NAA60: variants seen among roughly 807,000 people sequenced by gnomAD.
The protein encoded by NAA60 is N-alpha-acetyltransferase 60, NatF catalytic subunit.
NAA60 carries 8 observed loss-of-function variants against 26.1 expected under a neutral mutation model. That is an observed-to-expected ratio of 0.31 (90% confidence interval 0.18 to 0.55). The LOEUF (loss-of-function observed/expected upper bound fraction) is 0.55. Among genes scored for constraint, NAA60 ranks in the 20% least tolerant of loss-of-function variants. The pLI is 0.93. For missense variants in NAA60, 290 were observed against 311.3 expected (o/e 0.93, Z 0.51); for synonymous variants, 131 against 122.5 (o/e 1.07, Z -0.46).
intron 1 of NAA60, among the ~76,000 whole-genome samples, chr16:3,444,394 A>G (rs931681382): frequency 6.6e-6 from 1 of 152,190 alleles, no homozygotes; most frequent in African/African-American, 2.4e-5. Context: ...GGGTAATTTC[A>G]AAGATTATAA....
At chr16:3,473,334 C>G (rs921090019) in intron 2 of NAA60, among the ~76,000 whole-genome samples, 2 of 152,118 alleles carry the variant, frequency 1.3e-5, no homozygotes, top group Non-Finnish European at 2.9e-5. Flanking sequence ...GGGGAGGCCT[C>G]ACAATCATGG....
chr16:3,461,883 T>G (rs2035419673), intron 2 of NAA60, among the ~76,000 whole-genome samples: 1 of 151,988 alleles, frequency 6.6e-6, no homozygotes, highest in African/African-American at 2.4e-5. Context: ...AGCTCACAAG[T>G]TCGAGAGCGG....
At chr16:3,455,219 T>A (rs1049695572) in intron 2 of NAA60, among the ~76,000 whole-genome samples, 3 of 150,724 alleles carry the variant, frequency 2.0e-5, no homozygotes, top group Non-Finnish European at 4.4e-5. Flanking sequence ...GCTCAGCAAA[T>A]TTTTTTTTGT....
At chr16:3,458,603 C>G (rs2035157975) in intron 2 of NAA60, among the ~76,000 whole-genome samples, 1 of 152,196 alleles carries the variant, frequency 6.6e-6, no homozygotes, top group Admixed American at 6.5e-5. Context: ...TCGCCCCGCT[C>G]TCGCCTGGCC....
intron 1 of NAA60, 54 bp downstream of exon 1, chr16:3,443,891 A>C (rs1375550768): frequency 8.7e-6 from 13 of 1,496,588 alleles, no homozygotes; most frequent in Non-Finnish European, 1.2e-5. Context: ...TGGCCAGAGC[A>C]AGGTGATTGA....
At chr16:3,473,730 TG>T (rs1191508051) in intron 2 of NAA60, among the ~76,000 whole-genome samples, 1 of 150,568 alleles carries the variant, frequency 6.6e-6, no homozygotes, top group Non-Finnish European at 1.5e-5. Flanking sequence ...TTGTTGTTGT[TG>T]TTGTTGTTGT....
chr16:3,456,796 C>CT (rs879257982), intron 2 of NAA60: 41 of 146,570 alleles, frequency 2.8e-4, no homozygotes, highest in South Asian at 1.5e-3. Flanking sequence ...AGACTCAAAT[C>CT]TTTTTTTTTT....
chr16:3,447,637 T>C (rs1019529149), intron 1 of NAA60: 32 of 985,256 alleles, frequency 3.2e-5, no homozygotes, highest in Non-Finnish European at 3.6e-5. Flanking sequence ...AAGATTATCT[T>C]TCTCCCAACT....
intron 6 of NAA60, chr16:3,484,442 G>GT: frequency 1.8e-6 from 1 of 559,308 alleles, no homozygotes; most frequent in Admixed American, 3.1e-5. Flanking sequence ...GCATCCCTGG[G>GT]TGTGGTGTCC....
chr16:3,483,658 G>A lies in NAA60; in HGVS notation c.572+61G>A. 3.0e-6 allele frequency: 4 copies of A among 1,353,314 alleles called. No homozygotes were observed. In the Middle Eastern group the frequency reaches 7.6e-4, roughly 258 times the overall value. 83.8% of individuals were successfully genotyped at this position (1,353,314 alleles called of 1,614,324 possible). On this transcript the variant is annotated intron_variant, in intron 6 of 7. Coordinates refer to ENST00000407558, the MANE Select transcript of NAA60 (RefSeq NM_001083601.3). ...TCCTGTCCATAAGGTGGCAGAGCCA[G>A]TGAGCAAGTTGGAGCTGTGGTCCCC...
chr16:3,458,864 G>A (rs1596302378), intron 2 of NAA60, among the ~76,000 whole-genome samples: 1 of 152,184 alleles, frequency 6.6e-6, no homozygotes, highest in Non-Finnish European at 1.5e-5. Flanking sequence ...GGAATCTGTA[G>A]CTTTTGTGGT....
In NAA60 at chr16:3,484,927, C is replaced by T. The variant is rs2037076191; in HGVS notation, c.*72C>T. ...AGAGCCCGCCTTCCTGTCCATCTGA[C>T]CCCTTCTGTTTTCTGCAAGGAGCTG... On this transcript the variant is annotated 3_prime_UTR_variant, in exon 7 of 8. Transcript: ENST00000407558. 1 of 1,544,084 alleles carries T rather than the reference C, an allele frequency of 6.5e-7. No individual in the cohort carries two copies. Among genetic ancestry groups the T allele is most frequent in the African/African-American group, 1.4e-5 (1 of 73,050 alleles).
intron 7 of NAA60, 73 bp from the exon 8 acceptor site, chr16:3,485,394 A>G: frequency 2.1e-6 from 1 of 465,988 alleles, no homozygotes; most frequent in South Asian, 1.5e-5. Context: ...TGTGTGGCCC[A>G]TAGGCAGGGT....
chr16:3,471,906 C>G (rs759544515), intron 2 of NAA60, among the ~76,000 whole-genome samples: 1 of 152,106 alleles, frequency 6.6e-6, no homozygotes, highest in East Asian at 1.9e-4. Flanking sequence ...AAGGCTGAAT[C>G]GAGGAACCAG....
At chr16:3,484,203 G>A (rs1283035919) in intron 6 of NAA60, among the ~76,000 whole-genome samples, 3 of 152,136 alleles carry the variant, frequency 2.0e-5, no homozygotes, top group African/African-American at 7.2e-5. Context: ...AAATTCATGA[G>A]TCTAGGATTT....
intron 1 of NAA60, among the ~76,000 whole-genome samples, chr16:3,445,039 A>G (rs1373843959): frequency 2.6e-5 from 4 of 152,234 alleles, no homozygotes; most frequent in Non-Finnish European, 4.4e-5. Context: ...ACTAAGAGCT[A>G]GACCTTGTGG....
chr16:3,469,928 C>T (rs947225294), intron 2 of NAA60, among the ~76,000 whole-genome samples: 1 of 152,214 alleles, frequency 6.6e-6, no homozygotes. Context: ...ATACCTGCCG[C>T]GTGTCTGTCT....
At chr16:3,461,817 T>A (rs1027485910) in intron 2 of NAA60, among the ~76,000 whole-genome samples, 2 of 152,108 alleles carry the variant, frequency 1.3e-5, no homozygotes, top group African/African-American at 4.8e-5. Context: ...AAAAAAATAT[T>A]CTTGGCCAGG....
Position 3,443,845 on chromosome 16 carries a change from C to T in NAA60, c.-77+8C>T, listed in dbSNP as rs1276598745. ...GAAAATCGGTAACAAAATGTGGGTT[C>T]GGCCAACAGTGCCCTGTAGGCCTGA... is the stretch of plus-strand genomic sequence containing the variant. On this transcript the variant is annotated splice_region_variant and intron_variant, in intron 1 of 7. Transcript: ENST00000407558. The T allele has an allele frequency of 6.5e-7, 1 of 1,533,038 alleles. No individual in the cohort carries two copies. The allele number at this position is 1,533,038 out of a possible 1,614,324, so 95.0% of individuals were successfully genotyped here. A position where few individuals can be genotyped will look rare whatever the true frequency, so the allele number is the denominator to read the frequency against.
Sources: allele counts gnomAD v4.1 joint callset (sites outside exome capture counted in the v4.1 genomes callset), GRCh38; gene constraint gnomAD v4.1.1; transcripts MANE v1.5; gene names NCBI Gene and HGNC (gene_info 2026-07-23, HGNC 2026-07-21).